The following GRID2 variants were observed in gnomAD, a reference collection of about 807,000 sequenced individuals.
The protein encoded by GRID2 is glutamate ionotropic receptor delta type subunit 2, also known as glutamate receptor ionotropic, delta-2.
A neutral mutation model predicts 114.8 loss-of-function variants in GRID2; 33 were observed. The observed-to-expected ratio is 0.29, with a 90% CI of 0.22 to 0.38. The LOEUF is 0.38. GRID2 is among the 10% of genes least tolerant of loss of function. The pLI, the probability that GRID2 is intolerant of heterozygous loss-of-function variation, is 1.00. For synonymous variants in GRID2, 505 were observed against 449.9 expected, an observed-to-expected ratio of 1.12 and a Z score of -1.55; for missense variants, 1,184 against 1,257.7, an observed-to-expected ratio of 0.94 and a Z score of 0.89.
chr4:93,510,344 A>G (rs1729042045), intron 12 of GRID2, among the ~76,000 whole-genome samples: 1 of 152,204 alleles, frequency 6.6e-6, no homozygotes, highest in African/African-American at 2.4e-5. Flanking sequence ...GATGGGACAG[A>G]GAGGTTTATG....
chr4:93,310,394 G>A (rs577572390), intron 8 of GRID2, among the ~76,000 whole-genome samples: 2 of 152,152 alleles, frequency 1.3e-5, no homozygotes, highest in African/African-American at 4.8e-5. Context: ...AACCAGGTTT[G>A]GTGGCGCACT....
rs556021062 is a variant in GRID2, at chr4:93,547,230, A to G, written c.2193+31819A>G. Among the ~76,000 whole-genome samples the G allele has an allele frequency of 5.9e-5, 9 of 152,338 alleles. No homozygotes were observed. In the South Asian group the frequency reaches 1.2e-3, roughly 21 times the overall value. On this transcript the variant is annotated intron_variant, in intron 13 of 15. Transcript: ENST00000282020. ...GGGATTTCTAATCTGGGTGAATATT[A>G]TTACAAAAATATTTTTTTCCTAGTG...
At chr4:93,128,040 AAAAAAAAAAAAAAAAAAAAC>A (rs1326118725) in intron 4 of GRID2, among the ~76,000 whole-genome samples, 10 of 142,872 alleles carry the variant, frequency 7.0e-5, no homozygotes, top group African/African-American at 1.9e-4. Flanking sequence ...AAAAAAAAAA[AAAAAAAAAAAAAAAAAAAAC>A]AACAGTACGT....
At chr4:93,583,066 C>G (rs1578314677) in intron 13 of GRID2, among the ~76,000 whole-genome samples, 1 of 152,176 alleles carries the variant, frequency 6.6e-6, no homozygotes, top group African/African-American at 2.4e-5. Context: ...AGCATCACTC[C>G]CATCTCTGCC....
intron 4 of GRID2, among the ~76,000 whole-genome samples, chr4:93,161,232 T>A (rs1737659667): frequency 6.6e-6 from 1 of 151,912 alleles, no homozygotes; most frequent in Non-Finnish European, 1.5e-5. Flanking sequence ...TCTGAGAAAC[T>A]TTTATTTAAG....
chr4:92,715,016 C>T (rs952424920), intron 2 of GRID2, among the ~76,000 whole-genome samples: 6 of 152,174 alleles, frequency 3.9e-5, no homozygotes, highest in Non-Finnish European at 7.4e-5. Context: ...TCTTTTCTAT[C>T]ATATTGTCAG....
At position 92,825,698 on chromosome 4, in the gene GRID2, G is replaced by A. The variant is rs776070731; in HGVS notation, c.244+235412G>A. On this transcript the variant is annotated intron_variant, in intron 2 of 15. Coordinates refer to ENST00000282020, the MANE Select transcript of GRID2 (RefSeq NM_001510.4). ...TCCCATATAAATGAGAGCCACCTCC[G>A]CCCCCAACAGAAACCATGTTGTCAA... 6.6e-5 allele frequency among the ~76,000 whole-genome samples: 10 copies of A among 151,936 alleles called. No homozygotes were observed. In the South Asian group the frequency reaches 1.2e-3, roughly 19 times the overall value.
At chr4:92,948,850 T>A (rs941640222) in intron 2 of GRID2, among the ~76,000 whole-genome samples, 1 of 152,044 alleles carries the variant, frequency 6.6e-6, no homozygotes, top group Admixed American at 6.6e-5. Flanking sequence ...AGATTTATTC[T>A]TTCACTTATT....
chr4:93,158,044 G>A (rs1475849944), intron 4 of GRID2, among the ~76,000 whole-genome samples: 1 of 151,790 alleles, frequency 6.6e-6, no homozygotes, highest in Non-Finnish European at 1.5e-5. Context: ...GTTAATAAAT[G>A]CAAACTAGTC....
intron 2 of GRID2, among the ~76,000 whole-genome samples, chr4:92,618,301 C>A (rs747593361): frequency 1.6e-4 from 25 of 151,522 alleles, no homozygotes; most frequent in Non-Finnish European, 3.0e-4. Context: ...ATGCCTTTTT[C>A]AAAAATCAGT....
Position 93,515,327 on chromosome 4 carries a change from C to T in GRID2, c.2109C>T (p.Ser703=). 1.9e-6 allele frequency: 3 copies of T among 1,611,624 alleles called. No individual in the cohort carries two copies. Among genetic ancestry groups the T allele is most frequent in the Non-Finnish European group, 2.5e-6 (3 of 1,177,970 alleles). The change falls in exon 13 of 16, where the codon AGC becomes AGT. Residue 703 remains serine, a synonymous_variant. Transcript: ENST00000282020. ...GACTGAATCCTTTTGAGAGGGACAG[C>T]ATGTATTCCCAAATGTGGCGGATGA... ...MKGLNPFERD[S]MYSQMWRMIN... is the part of the protein sequence containing the mutation.
At chr4:93,389,963 AT>A (rs1764695234) in intron 8 of GRID2, among the ~76,000 whole-genome samples, 1 of 151,896 alleles carries the variant, frequency 6.6e-6, no homozygotes, top group Admixed American at 6.6e-5. Context: ...TGATTTTTGT[AT>A]TTTTAGTAGA....
intron 1 of GRID2, among the ~76,000 whole-genome samples, chr4:92,540,811 A>G (rs1267698323): frequency 1.3e-5 from 2 of 152,234 alleles, no homozygotes; most frequent in African/African-American, 4.8e-5. Flanking sequence ...CCAAAGGATT[A>G]TAAATCATGC....
intron 2 of GRID2, among the ~76,000 whole-genome samples, chr4:92,941,601 C>A (rs1198880595): frequency 1.3e-5 from 2 of 152,058 alleles, no homozygotes; most frequent in African/African-American, 4.8e-5. Context: ...TATTTCTTGT[C>A]TTCTGCTAGC....
intron 2 of GRID2, among the ~76,000 whole-genome samples, chr4:92,647,193 A>C (rs1731689040): frequency 6.6e-6 from 1 of 152,180 alleles, no homozygotes; most frequent in Non-Finnish European, 1.5e-5. Context: ...AAATCATGAT[A>C]GTGTCTGCTG....
intron 3 of GRID2, among the ~76,000 whole-genome samples, chr4:93,099,471 T>C (rs944828704): frequency 2.0e-5 from 3 of 151,882 alleles, no homozygotes; most frequent in Non-Finnish European, 4.4e-5. Context: ...CCACTGTAAT[T>C]TGTTAAACTA....
intron 2 of GRID2, among the ~76,000 whole-genome samples, chr4:93,046,880 ATT>A (rs972857295): frequency 2.6e-5 from 4 of 151,828 alleles, no homozygotes; most frequent in Non-Finnish European, 5.9e-5. Flanking sequence ...GAAGAGACAC[ATT>A]TCCCAAGCAG....
intron 4 of GRID2, among the ~76,000 whole-genome samples, chr4:93,132,501 G>T (rs1365568862): frequency 6.6e-6 from 1 of 152,056 alleles, no homozygotes; most frequent in Non-Finnish European, 1.5e-5. Context: ...TAAGTTTGGG[G>T]GCAGCCTCAC....
rs569083048 is a variant in GRID2 at position 92,681,910 on chromosome 4, A to T, written c.244+91624A>T. ...CGTTTCCCAGTTAAGAAGAAAAAAAAAGAAGGTAGCTTCAGGACATACCTC... is the reference window on the plus strand; with the variant it reads ...CGTTTCCCAGTTAAGAAGAAAAAAATAGAAGGTAGCTTCAGGACATACCTC... On this transcript the variant is annotated intron_variant, in intron 2 of 15. Coordinates refer to ENST00000282020, the MANE Select transcript of GRID2 (RefSeq NM_001510.4). 5.9e-5 allele frequency among the ~76,000 whole-genome samples: 9 copies of T among 152,260 alleles called. No individual in the cohort carries two copies. The East Asian group carries it at 1.7e-3, about 29-fold the overall frequency.
Sources: allele counts gnomAD v4.1 joint callset (sites outside exome capture counted in the v4.1 genomes callset), GRCh38; gene constraint gnomAD v4.1.1; transcripts MANE v1.5; gene names NCBI Gene and HGNC (gene_info 2026-07-23, HGNC 2026-07-21).